Variants in HEXB observed in about 807,000 individuals in gnomAD.
HEXB encodes the protein beta-hexosaminidase subunit beta.
HEXB carries 51 observed loss-of-function variants against 71.2 expected under a neutral mutation model. The observed-to-expected ratio is 0.72, with a 90% CI of 0.57 to 0.90. The LOEUF (loss-of-function observed/expected upper bound fraction) is 0.90. HEXB is among the 40% of genes least tolerant of loss of function. The pLI is 0.00. For synonymous variants in HEXB, 266 were observed against 249.3 expected, an observed-to-expected ratio of 1.07 and a Z score of -0.63; for missense variants, 617 against 677.0, an observed-to-expected ratio of 0.91 and a Z score of 0.98.
At chr5:74,706,763 C>A (rs1316832610) in intron 6 of HEXB, among the ~76,000 whole-genome samples, 1 of 152,150 alleles carries the variant, frequency 6.6e-6, no homozygotes, top group Non-Finnish European at 1.5e-5. Flanking sequence ...CGCCATTGCC[C>A]AGGCTTGCTT....
chr5:74,704,417 A>C (rs1352262597), intron 5 of HEXB, among the ~76,000 whole-genome samples: 4 of 151,996 alleles, frequency 2.6e-5, no homozygotes, highest in Admixed American at 2.0e-4. Context: ...TAAATATTAT[A>C]TTGGTTATTC....
At chr5:74,689,551 G>C (rs1720214289) in intron 2 of HEXB, 78 bp downstream of exon 2, 7 of 1,149,032 alleles carry the variant, frequency 6.1e-6, no homozygotes, top group Non-Finnish European at 7.9e-6. Context: ...CTGACTCCAT[G>C]CTAGGAACCA....
chr5:74,671,086 T>G (rs752307042), intron 1 of HEXB, among the ~76,000 whole-genome samples: 11 of 152,096 alleles, frequency 7.2e-5, no homozygotes, highest in Non-Finnish European at 1.3e-4. Context: ...GTATTATTGT[T>G]ATCCTCAAGG....
At chr5:74,705,545 G>A in intron 6 of HEXB, 1 of 520,864 alleles carries the variant, frequency 1.9e-6, no homozygotes, top group Non-Finnish European at 3.4e-6. Flanking sequence ...AAACAATCTT[G>A]GGGAAGTGTA....
chr5:74,666,751 A>T (rs111520974), intron 1 of HEXB, among the ~76,000 whole-genome samples: 5 of 152,172 alleles, frequency 3.3e-5, no homozygotes, highest in African/African-American at 9.7e-5. Flanking sequence ...GAGCAGAAAT[A>T]GGGACTAGAA....
intron 6 of HEXB, among the ~76,000 whole-genome samples, chr5:74,710,561 CCTT>C (rs995611030): frequency 9.2e-4 from 140 of 152,248 alleles, no homozygotes; most frequent in African/African-American, 3.2e-3. Flanking sequence ...CCCAAAATCT[CCTT>C]AAGCTGATAA....
intron 2 of HEXB, 171 bp downstream of exon 2, chr5:74,689,644 T>C: frequency 1.5e-6 from 1 of 654,710 alleles, no homozygotes; most frequent in Admixed American, 2.5e-5. Flanking sequence ...ACATAGTCTT[T>C]GTGGAAAATT....
chr5:74,713,439 T>C, intron 6 of HEXB, 67 bp from the exon 7 acceptor site: 10 of 1,495,894 alleles, frequency 6.7e-6, no homozygotes, highest in Non-Finnish European at 9.3e-6. Context: ...GCAAGCACAA[T>C]TGTTAACAAT....
chr5:74,720,873 T>TGTAA (rs1423326018), intron 13 of HEXB, 126 bp downstream of exon 13: 12 of 864,306 alleles, frequency 1.4e-5, no homozygotes, highest in African/African-American at 8.4e-5. Flanking sequence ...ATTATTTTTT[T>TGTAA]GTAAGTAATA....
chr5:74,685,616 C>G, intron 1 of HEXB, 57 bp downstream of exon 1: 2 of 1,475,120 alleles, frequency 1.4e-6, no homozygotes, highest in Non-Finnish European at 1.8e-6. Context: ...GGCGGACCAC[C>G]CCGGAGCGCT....
chr5:74,704,829 T>C (rs965276960), intron 5 of HEXB, among the ~76,000 whole-genome samples: 19 of 152,204 alleles, frequency 1.2e-4, no homozygotes, highest in Non-Finnish European at 2.2e-4. Flanking sequence ...TGGTGGCTCA[T>C]GCCTGTAATC....
chr5:74,708,577 T>C (rs543522190), intron 6 of HEXB, among the ~76,000 whole-genome samples: 3 of 152,190 alleles, frequency 2.0e-5, no homozygotes, highest in Admixed American at 2.0e-4. Context: ...ATAGGCTCGA[T>C]ATAAAAGGAT....
intron 1 of HEXB, among the ~76,000 whole-genome samples, chr5:74,644,639 G>A (rs957194107): frequency 6.6e-6 from 1 of 152,000 alleles, no homozygotes; most frequent in African/African-American, 2.4e-5. Context: ...GAAGACAAAG[G>A]GTCTAAATCG....
At chr5:74,640,431 C>T (rs1747816210) in exon 1 of HEXB, 1 of 152,354 alleles carries the variant, frequency 6.6e-6, no homozygotes, top group African/African-American at 2.4e-5. Context: ...GAGGGCCAGC[C>T]GGGGAGAGGA....
chr5:74,699,732 A>T (rs1429745198), intron 5 of HEXB, among the ~76,000 whole-genome samples: 2 of 152,180 alleles, frequency 1.3e-5, no homozygotes, highest in African/African-American at 4.8e-5. Context: ...AATTCTTAGA[A>T]GTGAATTTCT....
intron 9 of HEXB, among the ~76,000 whole-genome samples, chr5:74,717,711 C>T (rs1417419183): frequency 1.3e-5 from 2 of 151,998 alleles, no homozygotes; most frequent in East Asian, 3.9e-4. Flanking sequence ...ATTCTTAGCC[C>T]ATGAGACATA....
chr5:74,650,648 G>A (rs1561200555), intron 1 of HEXB, among the ~76,000 whole-genome samples: 1 of 152,056 alleles, frequency 6.6e-6, no homozygotes. Flanking sequence ...CAGGCCAGGC[G>A]CGGTGGCTCA....
At chr5:74,660,056 A>T (rs1034500727) in intron 1 of HEXB, among the ~76,000 whole-genome samples, 3 of 144,344 alleles carry the variant, frequency 2.1e-5, no homozygotes, top group African/African-American at 7.8e-5. Context: ...GAGAGGAGAG[A>T]CCCTAATCTT....
intron 8 of HEXB, 88 bp from the exon 9 acceptor site, chr5:74,716,499 A>G: frequency 1.3e-6 from 1 of 755,194 alleles, no homozygotes; most frequent in Non-Finnish European, 2.3e-6. Context: ...TTAAGTCTGC[A>G]CAACTGATGT....
Sources: gnomAD v4.1 joint callset for allele counts (sites outside exome capture counted in the v4.1 genomes callset) on GRCh38, gnomAD v4.1.1 for gene constraint, MANE v1.5 for transcripts, NCBI Gene and HGNC (gene_info 2026-07-23, HGNC 2026-07-21) for gene names.